The following COL9A1 variants were observed in gnomAD, a reference collection of about 807,000 sequenced individuals.
The protein encoded by COL9A1 is collagen alpha-1(IX) chain.
COL9A1 carries 104 observed loss-of-function variants against 142.6 expected under a neutral mutation model. The ratio of observed to expected loss-of-function variants is 0.73; its 90% CI spans 0.62 to 0.86. COL9A1 has a LOEUF of 0.86. Ranked by LOEUF, COL9A1 falls within the 40% of genes least tolerant of loss-of-function variation. COL9A1 has a pLI of 0.00. For synonymous variants in COL9A1, 466 were observed against 396.0 expected, an observed-to-expected ratio of 1.18 and a Z score of -2.10; for missense variants, 1,210 against 1,176.6, an observed-to-expected ratio of 1.03 and a Z score of -0.42.
At chr6:70,229,099 G>A (rs1165295899) in intron 36 of COL9A1, among the ~76,000 whole-genome samples, 1 of 152,084 alleles carries the variant, frequency 6.6e-6, no homozygotes, top group African/African-American at 2.4e-5. Flanking sequence ...ATGTTGCTTC[G>A]AGGACTAAGA....
chr6:70,254,539 A>G lies in COL9A1; in HGVS notation c.1666-10T>C. Reference sequence around the variant, plus strand: ...GTTTTCCTGGTTCACCCTGCAAAAAAAGCTTTTATCACATGATTGAACCTG... The same window carrying G: ...GTTTTCCTGGTTCACCCTGCAAAAAGAGCTTTTATCACATGATTGAACCTG... On this transcript the variant is annotated splice_polypyrimidine_tract_variant and intron_variant, in intron 24 of 37. Coordinates refer to ENST00000357250, the MANE Select transcript of COL9A1 (RefSeq NM_001851.6). The G allele has an allele frequency of 2.5e-6, 4 of 1,613,966 alleles. No homozygotes were observed. In the South Asian group the frequency reaches 4.4e-5, roughly 18 times the overall value.
In COL9A1 at chr6:70,220,379, G is replaced by C. The variant is rs1020281957; in HGVS notation, c.2582-3298C>G. Among the ~76,000 whole-genome samples, 30 of 88,720 alleles carry C rather than the reference G, an allele frequency of 3.4e-4. 1 individual carries two copies. The highest frequency in any genetic ancestry group is 2.8e-3 in the Admixed American group (19 of 6,802). The allele number at this position is 88,720 out of a possible 152,430, so 58.2% of individuals were successfully genotyped here. A position where few individuals can be genotyped will look rare whatever the true frequency, so the allele number is the denominator to read the frequency against. On this transcript the variant is annotated intron_variant, in intron 37 of 37. Transcript: ENST00000357250. ...TTAACTCTGTGGAAGGGTGTGGAGG[G>C]GTGTGGCAGGGTGTGTGTGTGTGTG...
At chr6:70,267,762 T>C (rs1314884297) in intron 17 of COL9A1, among the ~76,000 whole-genome samples, 1 of 152,238 alleles carries the variant, frequency 6.6e-6, no homozygotes, top group African/African-American at 2.4e-5. Flanking sequence ...GAGACAAAAC[T>C]GTGAGACAAG....
intron 4 of COL9A1, among the ~76,000 whole-genome samples, chr6:70,298,270 T>C (rs964977963): frequency 6.6e-6 from 1 of 152,230 alleles, no homozygotes; most frequent in Non-Finnish European, 1.5e-5. Context: ...TCTCCAGTTA[T>C]GAACACCTAC....
At chr6:70,280,544 T>G (rs1345104788) in intron 10 of COL9A1, 5 of 1,390,684 alleles carry the variant, frequency 3.6e-6, no homozygotes, top group Admixed American at 6.0e-5. Context: ...AGGTCACGGT[T>G]AGAGACAGGA....
chr6:70,277,497 G>T (rs495558), intron 10 of COL9A1, among the ~76,000 whole-genome samples: 79,462 of 152,064 alleles, frequency 0.52, 23,334 homozygotes, highest in African/African-American at 0.81. Context: ...AACATTACCA[G>T]AGCAGAAAAA....
chr6:70,278,247 G>A (rs1343362288), intron 10 of COL9A1, among the ~76,000 whole-genome samples: 3 of 151,966 alleles, frequency 2.0e-5, no homozygotes, highest in Non-Finnish European at 2.9e-5. Context: ...CTCTGTTCTC[G>A]CTATTCTCTC....
Position 70,263,236 on chromosome 6 carries a change from T to C in COL9A1, c.1395+8A>G, listed in dbSNP as rs1771805641. ...TCCTAGTTAAATATTTTTTAAAAAATACTTTACTGGAGGTCCTTGAGCTCC... is the reference window on the plus strand; with the variant it reads ...TCCTAGTTAAATATTTTTTAAAAAACACTTTACTGGAGGTCCTTGAGCTCC... On this transcript the variant is annotated splice_region_variant and intron_variant, in intron 19 of 37. Coordinates refer to ENST00000357250, the MANE Select transcript of COL9A1 (RefSeq NM_001851.6). The C allele has an allele frequency of 6.3e-7, 1 of 1,593,080 alleles. No homozygotes were observed. Among genetic ancestry groups the C allele is most frequent in the South Asian group, 1.1e-5 (1 of 87,546 alleles).
chr6:70,257,581 C>G (rs1771399277), intron 20 of COL9A1, among the ~76,000 whole-genome samples: 1 of 152,066 alleles, frequency 6.6e-6, no homozygotes, highest in Admixed American at 6.5e-5. Flanking sequence ...AACCCAGTCT[C>G]TACAAAAATA....
At chr6:70,254,624 T>C (rs1043486899) in intron 24 of COL9A1, 95 bp from the exon 25 acceptor site, 1 of 1,181,072 alleles carries the variant, frequency 8.5e-7, no homozygotes, top group African/African-American at 1.5e-5. Context: ...AGTAAAAGGA[T>C]TGTCCCAACA....
At chr6:70,263,140 T>C in intron 19 of COL9A1, 104 bp downstream of exon 19, 1 of 892,136 alleles carries the variant, frequency 1.1e-6, no homozygotes, top group Non-Finnish European at 1.7e-6. Flanking sequence ...ACCAAGTTCA[T>C]GTAATGCTAT....
intron 17 of COL9A1, among the ~76,000 whole-genome samples, chr6:70,267,198 T>G: frequency 6.6e-6 from 1 of 152,168 alleles, no homozygotes; most frequent in Middle Eastern, 3.2e-3. Context: ...CTGAAAACCC[T>G]TCGGCCTCCT....
At chr6:70,282,359 C>T (rs1396620911) in intron 7 of COL9A1, among the ~76,000 whole-genome samples, 1 of 152,244 alleles carries the variant, frequency 6.6e-6, no homozygotes, top group African/African-American at 2.4e-5. Flanking sequence ...GGTCCTCCCT[C>T]GCGCAGGAGG....
chr6:70,256,728 A>G lies in COL9A1; in HGVS notation c.1503+40T>C, dbSNP rs1249468201. 13 of 1,608,210 alleles carry G rather than the reference A, an allele frequency of 8.1e-6. No individual in the cohort carries two copies. In the East Asian group the frequency reaches 2.7e-4, roughly 33 times the overall value. On this transcript the variant is annotated intron_variant, in intron 21 of 37. Transcript: ENST00000357250. ...CACATGCATACATAGCAAAAAAAAA[A>G]AAATCTATCATTGGGTTTTGTGGAA...
chr6:70,295,945 T>C (rs1246839990), intron 4 of COL9A1, among the ~76,000 whole-genome samples: 1 of 152,236 alleles, frequency 6.6e-6, no homozygotes, highest in African/African-American at 2.4e-5. Flanking sequence ...TTTATATTTC[T>C]GAGAACAGTT....
At chr6:70,244,146 A>G (rs1562298498) in intron 28 of COL9A1, among the ~76,000 whole-genome samples, 2 of 152,238 alleles carry the variant, frequency 1.3e-5, no homozygotes, top group East Asian at 1.9e-4. Flanking sequence ...TATTAGCAAT[A>G]ATTTCATAGT....
chr6:70,277,101 C>A (rs1397827577), intron 10 of COL9A1, among the ~76,000 whole-genome samples: 1 of 152,208 alleles, frequency 6.6e-6, no homozygotes, highest in African/African-American at 2.4e-5. Flanking sequence ...CACCTAACCT[C>A]TGCCTGTAAA....
intron 25 of COL9A1, 30 bp downstream of exon 25, chr6:70,254,446 C>A (rs1459288963): frequency 6.2e-7 from 1 of 1,603,272 alleles, no homozygotes; most frequent in Non-Finnish European, 8.5e-7. Flanking sequence ...GTATATAAAC[C>A]AATTAACATG....
intron 36 of COL9A1, among the ~76,000 whole-genome samples, chr6:70,232,024 C>T (rs73473565): frequency 2.0e-5 from 3 of 151,954 alleles, no homozygotes; most frequent in African/African-American, 7.3e-5. Flanking sequence ...AACAAGCTAT[C>T]TTACATACTA....
Sources: gnomAD v4.1 joint callset for allele counts (sites outside exome capture counted in the v4.1 genomes callset) on GRCh38, gnomAD v4.1.1 for gene constraint, MANE v1.5 for transcripts, NCBI Gene and HGNC (gene_info 2026-07-23, HGNC 2026-07-21) for gene names.